WDPCP: variants seen among roughly 807,000 people sequenced by gnomAD.
WDPCP encodes WD repeat-containing and planar cell polarity effector protein fritz homolog.
WDPCP carries 71 observed loss-of-function variants against 93.1 expected under a neutral mutation model. The ratio of observed to expected loss-of-function variants is 0.76; its 90% CI spans 0.63 to 0.93. The LOEUF is 0.93. Ranked by LOEUF, WDPCP falls within the 40% of genes least tolerant of loss-of-function variation. WDPCP has a pLI of 0.00. For synonymous variants in WDPCP, 315 were observed against 315.0 expected (o/e 1.00, Z 0.00); for missense variants, 844 against 887.4 (o/e 0.95, Z 0.62).
intron 12 of WDPCP, among the ~76,000 whole-genome samples, chr2:63,322,931 C>T (rs986502758): frequency 7.2e-5 from 11 of 152,238 alleles, no homozygotes; most frequent in African/African-American, 2.7e-4. Context: ...GCTACTAGCG[C>T]AGCTGCCAGA....
intron 15 of WDPCP, among the ~76,000 whole-genome samples, chr2:63,161,773 T>G (rs116102326): frequency 0.02 from 2,973 of 151,848 alleles, 105 homozygotes; most frequent in African/African-American, 0.068. Flanking sequence ...TTTTCTTTTT[T>G]TTTTTTTTGA....
At chr2:63,175,886 A>G (rs561006766) in intron 14 of WDPCP, among the ~76,000 whole-genome samples, 83 of 152,294 alleles carry the variant, frequency 5.4e-4, no homozygotes, top group Non-Finnish European at 9.4e-4. Context: ...TAATGCTGCT[A>G]TGAACATGGA....
At chr2:63,472,394 T>C (rs1429261972) in intron 6 of WDPCP, among the ~76,000 whole-genome samples, 3 of 152,110 alleles carry the variant, frequency 2.0e-5, no homozygotes, top group East Asian at 1.9e-4. Context: ...TAGTTAGATA[T>C]TACATCTTTT....
At chr2:63,399,838 T>C (rs1316508829) in intron 10 of WDPCP, among the ~76,000 whole-genome samples, 1 of 152,136 alleles carries the variant, frequency 6.6e-6, no homozygotes, top group African/African-American at 2.4e-5. Context: ...TATGAATAGA[T>C]TTAGCTGCAT....
chr2:63,498,652 T>C (rs1701369016), intron 1 of WDPCP, among the ~76,000 whole-genome samples: 1 of 152,214 alleles, frequency 6.6e-6, no homozygotes, highest in African/African-American at 2.4e-5. Flanking sequence ...TGAATAAATC[T>C]GCAAAATACC....
intron 3 of WDPCP, among the ~76,000 whole-genome samples, chr2:63,611,107 C>T (rs1709609379): frequency 6.6e-6 from 1 of 152,048 alleles, no homozygotes; most frequent in African/African-American, 2.4e-5. Flanking sequence ...CAAAAAAAAC[C>T]ATAAAAGCTA....
At chr2:63,805,946 C>T (rs148992839) in intron 2 of WDPCP, among the ~76,000 whole-genome samples, 2,403 of 152,048 alleles carry the variant, frequency 0.016, 24 homozygotes, top group Non-Finnish European at 0.026. Context: ...ATGGCAAAAC[C>T]CCATCTCTAC....
intron 13 of WDPCP, among the ~76,000 whole-genome samples, chr2:63,276,202 C>T (rs1191958179): frequency 6.6e-6 from 1 of 152,170 alleles, no homozygotes. Flanking sequence ...ATCAAGGGAG[C>T]ACTCCATGGA....
intron 10 of WDPCP, among the ~76,000 whole-genome samples, chr2:63,391,432 A>G (rs1186228442): frequency 2.0e-5 from 3 of 152,188 alleles, no homozygotes; most frequent in African/African-American, 7.2e-5. Flanking sequence ...CACAGCCAAT[A>G]TCATACTGAA....
chr2:63,636,660 C>T (rs1709923740), intron 3 of WDPCP, among the ~76,000 whole-genome samples: 1 of 152,076 alleles, frequency 6.6e-6, no homozygotes, highest in Admixed American at 6.6e-5. Context: ...TGGCATCACA[C>T]TTCTTAATTT....
rs1709028741 is a variant in WDPCP, at chr2:63,588,374, CG to C, written c.-104del. ...TCTTGGGTCTCCAGGACGCCGCCGC[CG>C]CCGCCACAGTTTCCTCAGGTGCTAC... is the stretch of plus-strand genomic sequence containing the variant. On this transcript the variant is annotated 5_prime_UTR_variant, in exon 1 of 18. Coordinates refer to ENST00000272321, the MANE Select transcript of WDPCP (RefSeq NM_015910.7). 5.2e-6 allele frequency: 7 copies of C among 1,356,930 alleles called. No individual in the cohort carries two copies. Among genetic ancestry groups the C allele is most frequent in the Non-Finnish European group, 7.2e-6 (7 of 970,254 alleles). The allele number at this position is 1,356,930 out of a possible 1,614,324, so 84.1% of individuals were successfully genotyped here. A position where few individuals can be genotyped will look rare whatever the true frequency, so the allele number is the denominator to read the frequency against.
intron 13 of WDPCP, among the ~76,000 whole-genome samples, chr2:63,265,275 A>C (rs2901574): frequency 0.65 from 98,912 of 151,952 alleles, 34,578 homozygotes; most frequent in African/African-American, 0.89. Flanking sequence ...AACTGACTAA[A>C]CTTTTGGTAA....
intron 2 of WDPCP, among the ~76,000 whole-genome samples, chr2:63,722,894 G>A (rs998478809): frequency 1.6e-4 from 25 of 152,008 alleles, no homozygotes; most frequent in African/African-American, 6.0e-4. Context: ...CCGTGTCTGT[G>A]TAGAAAGAAG....
chr2:63,465,543 A>T (rs1053947419), intron 6 of WDPCP, among the ~76,000 whole-genome samples: 1 of 152,200 alleles, frequency 6.6e-6, no homozygotes, highest in Non-Finnish European at 1.5e-5. Context: ...AGAAATACCA[A>T]TAGTTCCATT....
At chr2:63,616,874 T>C (rs893442770) in intron 3 of WDPCP, among the ~76,000 whole-genome samples, 5 of 152,248 alleles carry the variant, frequency 3.3e-5, no homozygotes, top group Non-Finnish European at 7.3e-5. Flanking sequence ...TTTTTTTTAA[T>C]TGAAGTAATG....
intron 1 of WDPCP, among the ~76,000 whole-genome samples, chr2:63,587,052 G>T (rs545634406): frequency 3.0e-4 from 46 of 152,278 alleles, no homozygotes; most frequent in African/African-American, 1.1e-3. Flanking sequence ...TCTGTTAGCA[G>T]CTAGTAGAAG....
chr2:63,768,117 C>G (rs1366728454), intron 2 of WDPCP, among the ~76,000 whole-genome samples: 1 of 151,916 alleles, frequency 6.6e-6, no homozygotes, highest in Non-Finnish European at 1.5e-5. Context: ...AGGTATGGAC[C>G]AAAGTTCATT....
chr2:63,722,486 C>T (rs1269596454), intron 2 of WDPCP, among the ~76,000 whole-genome samples: 12 of 143,736 alleles, frequency 8.3e-5, no homozygotes, highest in South Asian at 2.3e-4. Flanking sequence ...GGAGCCCCTC[C>T]GCCCGGCAGC....
At chr2:63,331,276 C>G (rs1464174139) in intron 12 of WDPCP, among the ~76,000 whole-genome samples, 1 of 152,132 alleles carries the variant, frequency 6.6e-6, no homozygotes, top group Non-Finnish European at 1.5e-5. Flanking sequence ...AGTCACTGCA[C>G]CAGTGTTCTT....
Sources: allele counts gnomAD v4.1 joint callset (sites outside exome capture counted in the v4.1 genomes callset), GRCh38; gene constraint gnomAD v4.1.1; transcripts MANE v1.5; gene names NCBI Gene and HGNC (gene_info 2026-07-23, HGNC 2026-07-21).